Variants in EML1 observed in about 807,000 individuals in gnomAD.
EML1 encodes the protein EMAP like 1.
A neutral mutation model predicts 110.4 loss-of-function variants in EML1; 27 were observed. That is an observed-to-expected ratio of 0.24 (90% confidence interval 0.18 to 0.34). The LOEUF (loss-of-function observed/expected upper bound fraction) is 0.34. EML1 is among the 10% of genes least tolerant of loss of function. The pLI, the probability that EML1 is intolerant of heterozygous loss-of-function variation, is 1.00. For synonymous variants in EML1, 344 were observed against 385.8 expected (o/e 0.89, Z 1.27); for missense variants, 741 against 1,030.9 (o/e 0.72, Z 3.85).
chr14:99,789,559 G>T (rs1292854370), upstream of EML1, among the ~76,000 whole-genome samples: 1 of 152,122 alleles, frequency 6.6e-6, no homozygotes, highest in East Asian at 1.9e-4. Context: ...TGACTTCACG[G>T]CTACCTGCAG....
chr14:99,826,097 G>T (rs1337490260), intron 1 of EML1, among the ~76,000 whole-genome samples: 2 of 144,420 alleles, frequency 1.4e-5, no homozygotes, highest in Non-Finnish European at 3.0e-5. Flanking sequence ...GTCTGCTTCT[G>T]TGCATTGATT....
At chr14:99,805,157 G>A (rs2057949141) in intron 1 of EML1, among the ~76,000 whole-genome samples, 1 of 152,212 alleles carries the variant, frequency 6.6e-6, no homozygotes, top group East Asian at 1.9e-4. Flanking sequence ...TAGGCCCCAG[G>A]CCACGTGTCT....
At chr14:99,834,309 CT>C (rs71113226) in intron 1 of EML1, among the ~76,000 whole-genome samples, 12 of 148,472 alleles carry the variant, frequency 8.1e-5, no homozygotes, top group Non-Finnish European at 8.9e-5. Flanking sequence ...AGAATGTTTC[CT>C]TTTTTTTTTT....
intron 1 of EML1, among the ~76,000 whole-genome samples, chr14:99,842,615 T>G (rs2058650433): frequency 6.6e-6 from 1 of 152,196 alleles, no homozygotes; most frequent in South Asian, 2.1e-4. Context: ...AGGCAAATAT[T>G]GAGGTGGTGG....
chr14:99,875,473 T>A (rs577796752), intron 3 of EML1, among the ~76,000 whole-genome samples: 4 of 152,108 alleles, frequency 2.6e-5, no homozygotes, highest in African/African-American at 7.2e-5. Flanking sequence ...AGCCACCAGG[T>A]TGAGTGTTAA....
chr14:99,810,850 T>C (rs1028578170), intron 1 of EML1, among the ~76,000 whole-genome samples: 2 of 152,216 alleles, frequency 1.3e-5, no homozygotes, highest in African/African-American at 4.8e-5. Flanking sequence ...AAAAAAATGA[T>C]ACATATGTGA....
chr14:99,798,597 G>A (rs1309632126), intron 1 of EML1, among the ~76,000 whole-genome samples: 2 of 152,030 alleles, frequency 1.3e-5, no homozygotes, highest in African/African-American at 4.8e-5. Context: ...TCACCATGTT[G>A]GCCAGGCTGG....
At chr14:99,813,862 TGC>T (rs2058122248) in intron 1 of EML1, among the ~76,000 whole-genome samples, 1 of 152,224 alleles carries the variant, frequency 6.6e-6, no homozygotes, top group Non-Finnish European at 1.5e-5. Context: ...TTTATTTTTA[TGC>T]TCCAGAAAAC....
At position 99,914,311 on chromosome 14, in the gene EML1, T is replaced by G. The variant is rs965279700; in HGVS notation, c.1620+7T>G. ...CTTCACACCCATTACTCAGGTACGA[T>G]CCCACTCAGCAGGCCCGGCAAACAC... is the stretch of plus-strand genomic sequence containing the variant. On this transcript the variant is annotated splice_region_variant and intron_variant, in intron 14 of 21. Transcript: ENST00000262233. 9.3e-6 allele frequency: 15 copies of G among 1,604,518 alleles called. No individual in the cohort carries two copies. Among genetic ancestry groups the G allele is most frequent in the Non-Finnish European group, 1.2e-5 (14 of 1,172,500 alleles).
At chr14:99,775,010 T>C (rs577390599) in intron 1 of EML1, among the ~76,000 whole-genome samples, 1 of 151,836 alleles carries the variant, frequency 6.6e-6, no homozygotes, top group East Asian at 1.9e-4. Flanking sequence ...CTTTTCTGTT[T>C]AAAAAAAAAT....
intron 4 of EML1, among the ~76,000 whole-genome samples, chr14:99,884,364 T>G (rs2059438947): frequency 6.6e-6 from 1 of 152,236 alleles, no homozygotes; most frequent in South Asian, 2.1e-4. Context: ...CTCTTTCAGT[T>G]TCACTGCTGT....
intron 1 of EML1, among the ~76,000 whole-genome samples, chr14:99,821,637 T>G (rs2058264702): frequency 6.6e-6 from 1 of 152,204 alleles, no homozygotes; most frequent in Admixed American, 6.6e-5. Flanking sequence ...CAGGGCTCTT[T>G]CCATTTGTCA....
At chr14:99,790,352 G>C (rs955209101), upstream of EML1, among the ~76,000 whole-genome samples, 12 of 151,846 alleles carry the variant, frequency 7.9e-5, no homozygotes, top group African/African-American at 2.9e-4. Flanking sequence ...TGTTGCCCAG[G>C]CTGGAGTTGA....
At chr14:99,766,865 G>A (rs1434144622) in intron 1 of EML1, among the ~76,000 whole-genome samples, 5 of 152,134 alleles carry the variant, frequency 3.3e-5, no homozygotes, top group Non-Finnish European at 7.4e-5. Context: ...TGGAGAGAGA[G>A]GGTCGGCCGC....
chr14:99,841,886 T>A (rs2058640037), intron 1 of EML1, among the ~76,000 whole-genome samples: 1 of 152,070 alleles, frequency 6.6e-6, no homozygotes, highest in African/African-American at 2.4e-5. Flanking sequence ...TGTAAACAGA[T>A]CAGGAAAGGA....
chr14:99,770,082 C>T (rs1456151424), upstream of EML1, among the ~76,000 whole-genome samples: 1 of 152,200 alleles, frequency 6.6e-6, no homozygotes, highest in Non-Finnish European at 1.5e-5. Context: ...CCATTCCCCC[C>T]CATTTCCCCT....
At chr14:99,832,359 C>G (rs2058471422) in intron 1 of EML1, among the ~76,000 whole-genome samples, 1 of 152,070 alleles carries the variant, frequency 6.6e-6, no homozygotes, top group Non-Finnish European at 1.5e-5. Context: ...GTGTCCATGT[C>G]TTTGTATGGA....
At chr14:99,807,497 G>A (rs1383908554) in intron 1 of EML1, among the ~76,000 whole-genome samples, 1 of 152,174 alleles carries the variant, frequency 6.6e-6, no homozygotes, top group African/African-American at 2.4e-5. Context: ...CACAAGGGCT[G>A]GGGTAGTGGC....
chr14:99,798,053 ATT>A (rs2057807423), intron 1 of EML1, among the ~76,000 whole-genome samples: 4 of 152,102 alleles, frequency 2.6e-5, no homozygotes, highest in Admixed American at 2.0e-4. Flanking sequence ...CAGGCAATCC[ATT>A]TTTTCTCCAG....
Sources: allele counts gnomAD v4.1 joint callset (sites outside exome capture counted in the v4.1 genomes callset), GRCh38; gene constraint gnomAD v4.1.1; transcripts MANE v1.5; gene names NCBI Gene and HGNC (gene_info 2026-07-23, HGNC 2026-07-21).